PURG: variants seen among roughly 807,000 people sequenced by gnomAD.
PURG encodes purine-rich element-binding protein gamma.
Under a neutral mutation model 24.3 loss-of-function variants are expected in PURG, and 3 were observed. The ratio of observed to expected loss-of-function variants is 0.12; its 90% CI spans 0.06 to 0.32. PURG has a LOEUF of 0.32. Ranked by LOEUF, PURG falls within the 10% of genes least tolerant of loss-of-function variation. The pLI is 1.00. For synonymous variants in PURG, 180 were observed against 173.1 expected (o/e 1.04, Z -0.31); for missense variants, 371 against 439.1 (o/e 0.84, Z 1.39).
At chr8:31,020,093 C>T (rs541385623) in intron 1 of PURG, among the ~76,000 whole-genome samples, 4 of 152,156 alleles carry the variant, frequency 2.6e-5, no homozygotes, top group African/African-American at 9.6e-5. Flanking sequence ...ATCGCTTGAA[C>T]CTGGGAGGCA....
exon 2 of PURG, chr8:30,996,460 C>T: frequency 3.5e-6 from 2 of 578,862 alleles, no homozygotes; most frequent in South Asian, 2.6e-5. Context: ...GAAATGATGC[C>T]AGTGGTGTTG....
intron 1 of PURG, among the ~76,000 whole-genome samples, chr8:31,005,669 C>A (rs578132359): frequency 1.3e-5 from 2 of 151,804 alleles, no homozygotes; most frequent in Admixed American, 6.6e-5. Flanking sequence ...AAGATCTGAG[C>A]ATTTTATTAA....
At chr8:31,020,153 C>T (rs1359981502) in intron 1 of PURG, among the ~76,000 whole-genome samples, 1 of 152,088 alleles carries the variant, frequency 6.6e-6, no homozygotes, top group Admixed American at 6.6e-5. Flanking sequence ...GTATATAGTT[C>T]CTCCATTCTA....
At chr8:31,026,581 T>A (rs978636272), downstream of PURG, among the ~76,000 whole-genome samples, 6 of 149,336 alleles carry the variant, frequency 4.0e-5, no homozygotes, top group African/African-American at 1.5e-4. Context: ...TGAAATTGAA[T>A]CTACTAGGTA....
At chr8:31,003,710 C>T (rs946988681) in intron 1 of PURG, among the ~76,000 whole-genome samples, 35 of 151,992 alleles carry the variant, frequency 2.3e-4, no homozygotes, top group African/African-American at 6.3e-4. Flanking sequence ...TGCAATGACC[C>T]GAGATCGCCC....
intron 1 of PURG, among the ~76,000 whole-genome samples, chr8:31,021,755 C>T (rs1038810815): frequency 6.6e-6 from 1 of 152,008 alleles, no homozygotes; most frequent in South Asian, 2.1e-4. Context: ...AGTTTATAAA[C>T]CTCTGGAAAA....
In PURG at chr8:31,032,732, G is replaced by T; in HGVS notation, c.51C>A (p.Gly17=). The change falls in exon 2 of 2, where the codon GGC becomes GGA. Residue 17 remains glycine, a synonymous_variant. Coordinates refer to ENST00000523392, the MANE Select transcript of PURG (RefSeq NM_001323311.2). This position sits in a 1 kb window ranked among gnomAD's most constrained non-coding sequence, Gnocchi z 5.9. ...RGGGGGRGRG[G]KNVGGSGLSK... ...TTAGGCCAGAGCCCCCTACATTCTT[G>T]CCTCCGCGGCCGCGGCCGCCGCCGC... 1 of 1,448,290 alleles carries T rather than the reference G, an allele frequency of 6.9e-7. No homozygotes were observed. 89.7% of individuals were successfully genotyped at this position (1,448,290 alleles called of 1,614,324 possible).
downstream of PURG, among the ~76,000 whole-genome samples, chr8:31,027,693 T>C (rs1003035261): frequency 6.6e-6 from 1 of 151,698 alleles, no homozygotes; most frequent in Non-Finnish European, 1.5e-5. Context: ...TCTATAGATA[T>C]AAAATGAACT....
At chr8:31,026,755 G>A (rs1006488736), downstream of PURG, among the ~76,000 whole-genome samples, 4 of 150,334 alleles carry the variant, frequency 2.7e-5, no homozygotes, top group Non-Finnish European at 5.9e-5. Flanking sequence ...CTACCCATCT[G>A]TACTGTTTCC....
chr8:31,004,431 C>T (rs762142987), intron 1 of PURG, among the ~76,000 whole-genome samples: 1 of 152,160 alleles, frequency 6.6e-6, no homozygotes, highest in African/African-American at 2.4e-5. Context: ...CACAGTGGCT[C>T]ACGCAGGTAA....
chr8:31,018,827 G>A (rs1810921985), intron 1 of PURG, among the ~76,000 whole-genome samples: 1 of 151,854 alleles, frequency 6.6e-6, no homozygotes, highest in African/African-American at 2.4e-5. Flanking sequence ...ACAGCATTAA[G>A]GTTTATATAT....
At chr8:31,003,716 C>A (rs182148050) in intron 1 of PURG, among the ~76,000 whole-genome samples, 3 of 151,936 alleles carry the variant, frequency 2.0e-5, no homozygotes, top group Non-Finnish European at 4.4e-5. Context: ...GACCCGAGAT[C>A]GCCCCACTGC....
chr8:31,003,294 G>A (rs947265188), intron 1 of PURG, among the ~76,000 whole-genome samples: 9 of 152,122 alleles, frequency 5.9e-5, no homozygotes, highest in African/African-American at 1.9e-4. Context: ...TAAGAAAAGC[G>A]AATGAGAAAT....
At chr8:30,997,020 C>G (rs1299406342) in intron 1 of PURG, among the ~76,000 whole-genome samples, 2 of 151,708 alleles carry the variant, frequency 1.3e-5, no homozygotes, top group Admixed American at 6.6e-5. Context: ...CATGTATCTG[C>G]CCACCTTCTA....
At chr8:31,026,099 T>C (rs1213060500), downstream of PURG, among the ~76,000 whole-genome samples, 1 of 152,008 alleles carries the variant, frequency 6.6e-6, no homozygotes, top group Non-Finnish European at 1.5e-5. Flanking sequence ...AACAGAAATA[T>C]ACCTTTTTAC....
At chr8:31,008,742 T>C (rs1231398089) in intron 1 of PURG, among the ~76,000 whole-genome samples, 1 of 152,234 alleles carries the variant, frequency 6.6e-6, no homozygotes, top group Non-Finnish European at 1.5e-5. Context: ...ATACAATAAA[T>C]GATGAATGAA....
Position 31,031,639 on chromosome 8 carries a change from A to G in PURG, c.*100T>C, listed in dbSNP as rs1223785934. ...ACTACTAGAGGTATTACTAATAACA[A>G]CGGGCCAAAAAAGAGGAAAAACTTC... On this transcript the variant is annotated 3_prime_UTR_variant, in exon 2 of 2. Coordinates refer to ENST00000523392, the MANE Select transcript of PURG (RefSeq NM_001323311.2). 8.8e-7 allele frequency: 1 copy of G among 1,136,234 alleles called. No individual in the cohort carries two copies. The highest frequency in any genetic ancestry group is 1.2e-6 in the Non-Finnish European group (1 of 819,932). 70.4% of individuals were successfully genotyped at this position (1,136,234 alleles called of 1,614,324 possible).
intron 1 of PURG, among the ~76,000 whole-genome samples, chr8:31,019,605 T>C (rs1810955033): frequency 6.6e-6 from 1 of 151,446 alleles, no homozygotes; most frequent in Non-Finnish European, 1.5e-5. Flanking sequence ...AGTGTTGGGA[T>C]TACAGGTGTG....
intron 1 of PURG, among the ~76,000 whole-genome samples, chr8:31,005,740 C>T (rs959224065): frequency 6.6e-6 from 1 of 150,444 alleles, no homozygotes; most frequent in Non-Finnish European, 1.5e-5. Flanking sequence ...CCTTCTAAAG[C>T]ATCAGAAATT....
Sources: gnomAD v4.1 joint callset for allele counts (sites outside exome capture counted in the v4.1 genomes callset) on GRCh38, gnomAD v4.1.1 for gene constraint, Gnocchi (gnomAD v3.1) non-coding constraint, MANE v1.5 for transcripts, NCBI Gene and HGNC (gene_info 2026-07-23, HGNC 2026-07-21) for gene names.